DDX17: variants seen among roughly 807,000 people sequenced by gnomAD.
The protein encoded by DDX17 is probable ATP-dependent RNA helicase DDX17.
A neutral mutation model predicts 80.8 loss-of-function variants in DDX17; 10 were observed. That is an observed-to-expected ratio of 0.12 (90% CI 0.08 to 0.21). DDX17 has a LOEUF of 0.21. Ranked by LOEUF, DDX17 falls within the 10% of genes least tolerant of loss-of-function variation. The pLI, the probability that DDX17 is intolerant of heterozygous loss-of-function variation, is 1.00. For missense variants in DDX17, 586 were observed against 957.4 expected, an observed-to-expected ratio of 0.61 and a Z score of 5.12; for synonymous variants, 339 against 336.2, an observed-to-expected ratio of 1.01 and a Z score of -0.09.
At chr22:38,493,925 G>T in intron 9 of DDX17, 96 bp downstream of exon 9, 1 of 1,196,080 alleles carries the variant, frequency 8.4e-7, no homozygotes, top group South Asian at 1.3e-5. Flanking sequence ...GCATGGATAG[G>T]CATTATTGAA....
Position 38,485,698 on chromosome 22 carries a change from T to TATATATA in DDX17, c.*236_*237insTATATAT, listed in dbSNP as rs1569136060. The TATATATA allele has an allele frequency of 7.0e-6, 1 of 142,656 alleles. No individual in the cohort carries two copies. Among genetic ancestry groups the TATATATA allele is most frequent in the Non-Finnish European group, 1.5e-5 (1 of 68,448 alleles). The allele number at this position is 142,656 out of a possible 1,614,324, so 8.8% of individuals were successfully genotyped here. A position where few individuals can be genotyped will look rare whatever the true frequency, so the allele number is the denominator to read the frequency against. On this transcript the variant is annotated 3_prime_UTR_variant, in exon 13 of 13. Coordinates refer to ENST00000403230, the MANE Select transcript of DDX17 (RefSeq NM_006386.5). ...CAGCTATATATATATATATATATTTTTTTTTTTTTTACAAAATGTTATTCC... is the reference window on the plus strand; with the variant it reads ...CAGCTATATATATATATATATATTTTATATATATTTTTTTTTTACAAAATGTTATTCC...
At position 38,486,140 on chromosome 22, in the gene DDX17, G is replaced by A. The variant is rs747191150; in HGVS notation, c.1985C>T (p.Ala662Val). The change falls in exon 13 of 13, where the codon GCT becomes GTT. Residue 662 changes from alanine to valine, a missense_variant. By Grantham distance (64) the Ala-to-Val change is moderately conservative. This residue lies in a region of DDX17 where 221 missense variants were observed against 261.4 expected (regional missense o/e 0.85). Coordinates refer to ENST00000403230, the MANE Select transcript of DDX17 (RefSeq NM_006386.5). The stretch of plus-strand genomic sequence containing the variant: ...TCTCCCAGTTGAGGTGGTGCTACTA[G>A]CTCCATAAGTGCCAGCACCATATTC... 5.0e-6 allele frequency: 8 copies of A among 1,614,090 alleles called. No homozygotes were observed. Among genetic ancestry groups the A allele is most frequent in the South Asian group, 1.1e-5 (1 of 91,090 alleles).
At chr22:38,492,774 C>T (rs2089725966) in intron 10 of DDX17, among the ~76,000 whole-genome samples, 1 of 152,208 alleles carries the variant, frequency 6.6e-6, no homozygotes, top group Non-Finnish European at 1.5e-5. Flanking sequence ...GCGTGAGCCA[C>T]TGTGTCCGGC....
rs892213183 is a variant in DDX17 at position 38,484,805 on chromosome 22, G to A, written c.*1130C>T. ...AATAAGCTGAGTGCAAAAGGATGCCGAAGAAAATCTGCACCCAGAAGCTGT... is the reference window on the plus strand; with the variant it reads ...AATAAGCTGAGTGCAAAAGGATGCCAAAGAAAATCTGCACCCAGAAGCTGT... On this transcript the variant is annotated 3_prime_UTR_variant, in exon 13 of 13. Coordinates refer to ENST00000403230, the MANE Select transcript of DDX17 (RefSeq NM_006386.5). 9.2e-5 allele frequency: 14 copies of A among 152,174 alleles called. No individual in the cohort carries two copies. Among genetic ancestry groups the A allele is most frequent in the Non-Finnish European group, 1.6e-4 (11 of 68,046 alleles). The allele number at this position is 152,174 out of a possible 1,614,324, so 9.4% of individuals were successfully genotyped here. A position where few individuals can be genotyped will look rare whatever the true frequency, so the allele number is the denominator to read the frequency against.
chr22:38,502,575 T>C lies in DDX17; in HGVS notation c.288-1295A>G, dbSNP rs548746043. On this transcript the variant is annotated intron_variant, in intron 1 of 12. Coordinates refer to ENST00000403230, the MANE Select transcript of DDX17 (RefSeq NM_006386.5). ...AAGGCTTTAACACTCAACTAATTAC[T>C]TAAGATCAACTTCTTGCTTTTTATA... 2.6e-5 allele frequency among the ~76,000 whole-genome samples: 4 copies of C among 152,286 alleles called. No individual in the cohort carries two copies. The South Asian group carries it at 6.2e-4, about 24-fold the overall frequency.
At chr22:38,491,942 T>C (rs1362511429) in intron 11 of DDX17, 114 bp downstream of exon 11, 1 of 625,652 alleles carries the variant, frequency 1.6e-6, no homozygotes, top group Non-Finnish European at 2.5e-6. Context: ...TTTCAAATAT[T>C]TATCTAACCA....
chr22:38,502,902 G>C (rs148346904), intron 1 of DDX17, among the ~76,000 whole-genome samples: 1 of 152,286 alleles, frequency 6.6e-6, no homozygotes, highest in East Asian at 1.9e-4. Flanking sequence ...GCAAGTAGGT[G>C]TATTATTCTA....
At chr22:38,498,012 T>TA in intron 5 of DDX17, 73 bp downstream of exon 5, 1 of 1,431,932 alleles carries the variant, frequency 7.0e-7, no homozygotes, top group Non-Finnish European at 9.8e-7. Flanking sequence ...ATGGATAATG[T>TA]AAAGCACCAA....
At chr22:38,486,860 A>G (rs924033879) in intron 12 of DDX17, among the ~76,000 whole-genome samples, 1 of 152,106 alleles carries the variant, frequency 6.6e-6, no homozygotes, top group Non-Finnish European at 1.5e-5. Context: ...ACTACTAAGC[A>G]TTTTTGAAAG....
chr22:38,498,679 A>T, intron 3 of DDX17, 106 bp from the exon 4 acceptor site: 22 of 1,250,028 alleles, frequency 1.8e-5, no homozygotes, highest in Non-Finnish European at 2.5e-5. Context: ...ACCCAGCTTC[A>T]TCTCTCCAAA....
chr22:38,499,991 T>TC (rs2089811020), intron 2 of DDX17, among the ~76,000 whole-genome samples: 1 of 149,324 alleles, frequency 6.7e-6, no homozygotes, highest in Admixed American at 6.7e-5. Context: ...ATGGTGAAAC[T>TC]CCGTCTCTAC....
At chr22:38,490,386 T>A (rs926061651) in intron 11 of DDX17, 1 of 1,289,436 alleles carries the variant, frequency 7.8e-7, no homozygotes, top group South Asian at 1.2e-5. Context: ...CCGGCCAATG[T>A]AGATTTGTCT....
rs768496214 is a variant in DDX17 at position 38,498,135 on chromosome 22, T to A, written c.688A>T (p.Ile230Phe). The A allele has an allele frequency of 6.2e-7, 1 of 1,614,068 alleles. No homozygotes were observed. Among genetic ancestry groups the A allele is most frequent in the Non-Finnish European group, 8.5e-7 (1 of 1,179,994 alleles). ...TATGGCTGGTGGTTAATATGAACAATTGCAGGCAGGAGATACTGTGGAGGG... is the reference window on the plus strand; with the variant it reads ...TATGGCTGGTGGTTAATATGAACAAATGCAGGCAGGAGATACTGTGGAGGG... The change falls in exon 5 of 13, where the codon ATT becomes TTT. Residue 230 changes from isoleucine to phenylalanine, a missense_variant. Physicochemically the swap from Ile to Phe is conservative, Grantham distance 21. This residue lies in a region of DDX17 where 141 missense variants were observed against 379.3 expected (regional missense o/e 0.37). Transcript: ENST00000403230.
chr22:38,485,449 A>C lies in DDX17; in HGVS notation c.*486T>G, dbSNP rs86796. ...AGCACAAAAGAAAATGTGCAGGGCA[A>C]TCCCTCTTTGTTTTCTAACCCAGTA... On this transcript the variant is annotated 3_prime_UTR_variant, in exon 13 of 13. Transcript: ENST00000403230. 0.51 allele frequency: 77,876 copies of C among 151,778 alleles called. 22,221 individuals are homozygous for C. Among genetic ancestry groups the C allele is most frequent in the Admixed American group, 0.64 (9,810 of 15,226 alleles). 9.4% of individuals were successfully genotyped at this position (151,778 alleles called of 1,614,324 possible).
chr22:38,490,148 G>A (rs1886952196), intron 11 of DDX17: 2 of 1,156,326 alleles, frequency 1.7e-6, no homozygotes, highest in African/African-American at 3.2e-5. Context: ...CGCAGAATTT[G>A]GTTTTCTCCA....
In DDX17 at chr22:38,495,786, A is replaced by G. The variant is rs1569140144; in HGVS notation, c.880+10T>C. The stretch of plus-strand genomic sequence containing the variant: ...TAAACTAACAATTCTTTTACACTAT[A>G]TATTATTACCTCTTTCCAAGTCTCG... On this transcript the variant is annotated intron_variant, in intron 6 of 12. Transcript: ENST00000403230. The G allele has an allele frequency of 4.4e-6, 7 of 1,579,868 alleles. No individual in the cohort carries two copies. The highest frequency in any genetic ancestry group is 1.2e-5 in the South Asian group (1 of 84,266).
chr22:38,490,568 T>C, intron 11 of DDX17: 1 of 725,950 alleles, frequency 1.4e-6, no homozygotes, highest in South Asian at 1.7e-5. Context: ...TATTATAAAA[T>C]TATGGGAATC....
rs2089694017 is a variant in DDX17, at chr22:38,489,657, TGAAG to T, written c.1448-1546_1448-1543del. 1 of 984,166 alleles carries T rather than the reference TGAAG, an allele frequency of 1.0e-6. No homozygotes were observed. Among genetic ancestry groups the T allele is most frequent in the Non-Finnish European group, 1.2e-6 (1 of 829,792 alleles). The allele number at this position is 984,166 out of a possible 1,614,324, so 61.0% of individuals were successfully genotyped here. On this transcript the variant is annotated intron_variant, in intron 11 of 12. Coordinates refer to ENST00000403230, the MANE Select transcript of DDX17 (RefSeq NM_006386.5). The surrounding 1 kb of genome is among the most constrained non-coding windows in gnomAD (Gnocchi z 4.6). Reference sequence around the variant, plus strand: ...AAATTAGCTGTTGTTACAGGGCTTGTGAAGAAGGGGCATTATGTCTGTTTCTTAT... The same window carrying T: ...AAATTAGCTGTTGTTACAGGGCTTGTAAGGGGCATTATGTCTGTTTCTTAT...
In DDX17 at chr22:38,495,786, ATAT is replaced by A. The variant is rs1322063666; in HGVS notation, c.880+7_880+9del. ...TAAACTAACAATTCTTTTACACTAT[ATAT>A]TATTACCTCTTTCCAAGTCTCGAAT... On this transcript the variant is annotated splice_region_variant and intron_variant, in intron 6 of 12. Transcript: ENST00000403230. 3 of 1,579,750 alleles carry A rather than the reference ATAT, an allele frequency of 1.9e-6. No homozygotes were observed. The highest frequency in any genetic ancestry group is 2.7e-5 in the African/African-American group (2 of 73,432).
Sources: allele counts gnomAD v4.1 joint callset (sites outside exome capture counted in the v4.1 genomes callset), GRCh38; gene constraint gnomAD v4.1.1; regional missense constraint gnomAD v4.1.1; non-coding constraint Gnocchi (gnomAD v3.1); transcripts MANE v1.5; gene names NCBI Gene and HGNC (gene_info 2026-07-23, HGNC 2026-07-21).